Variants in PCOLCE2 observed in about 807,000 individuals in gnomAD.
PCOLCE2 encodes the protein procollagen C-endopeptidase enhancer 2.
Under a neutral mutation model 47.0 loss-of-function variants are expected in PCOLCE2, and 42 were observed. The ratio of observed to expected loss-of-function variants is 0.89; its 90% CI spans 0.70 to 1.16. PCOLCE2 has a LOEUF of 1.16. Among genes scored for constraint, PCOLCE2 ranks in the 50% most tolerant of loss-of-function variants. The probability of loss-of-function intolerance (pLI) is 0.00; values close to 1 mark genes in which losing one functional copy is unlikely to be tolerated. For synonymous variants in PCOLCE2, 169 were observed against 191.7 expected (o/e 0.88, Z 0.98); for missense variants, 500 against 526.1 (o/e 0.95, Z 0.49).
At chr3:142,885,356 A>C (rs1311172298) in intron 2 of PCOLCE2, among the ~76,000 whole-genome samples, 1 of 152,204 alleles carries the variant, frequency 6.6e-6, no homozygotes, top group African/African-American at 2.4e-5. Flanking sequence ...TCCCATCTCC[A>C]GCGGCCTCTG....
At chr3:142,832,501 C>T (rs1937161363) in intron 5 of PCOLCE2, among the ~76,000 whole-genome samples, 1 of 152,156 alleles carries the variant, frequency 6.6e-6, no homozygotes, top group Non-Finnish European at 1.5e-5. Flanking sequence ...GTCCTCCCTG[C>T]TGTCTCTAAC....
chr3:142,885,760 C>T (rs1933707946), intron 2 of PCOLCE2, among the ~76,000 whole-genome samples: 1 of 152,202 alleles, frequency 6.6e-6, no homozygotes. Context: ...ATCTTCCACG[C>T]AGACACCAGA....
chr3:142,872,583 T>C (rs1438866868), intron 2 of PCOLCE2, among the ~76,000 whole-genome samples: 1 of 152,284 alleles, frequency 6.6e-6, no homozygotes, highest in South Asian at 2.1e-4. Flanking sequence ...GTTGTATAAA[T>C]CGAATAAAAT....
At chr3:142,831,272 A>T (rs1351425050) in intron 5 of PCOLCE2, among the ~76,000 whole-genome samples, 1 of 152,204 alleles carries the variant, frequency 6.6e-6, no homozygotes, top group African/African-American at 2.4e-5. Flanking sequence ...ATTAATGGGC[A>T]ATCACGGGAG....
chr3:142,863,585 G>A (rs945405826), intron 2 of PCOLCE2, among the ~76,000 whole-genome samples: 2 of 152,196 alleles, frequency 1.3e-5, no homozygotes, highest in East Asian at 3.8e-4. Flanking sequence ...GCTCACAAAT[G>A]TGTAGCCTCA....
intron 3 of PCOLCE2, among the ~76,000 whole-genome samples, chr3:142,843,655 A>G (rs1317475721): frequency 3.9e-5 from 6 of 152,082 alleles, no homozygotes; most frequent in African/African-American, 1.4e-4. Flanking sequence ...TAGGTGACAA[A>G]TATCATTTCA....
At chr3:142,883,877 C>A (rs1005190682) in intron 2 of PCOLCE2, among the ~76,000 whole-genome samples, 1 of 152,096 alleles carries the variant, frequency 6.6e-6, no homozygotes, top group South Asian at 2.1e-4. Context: ...GATCTTTATG[C>A]CAGGGGTGCC....
At chr3:142,860,190 T>C (rs924527323) in intron 2 of PCOLCE2, among the ~76,000 whole-genome samples, 12 of 152,186 alleles carry the variant, frequency 7.9e-5, no homozygotes, top group Non-Finnish European at 1.6e-4. Flanking sequence ...TTCAGACAGT[T>C]TGCGTGAAAT....
intron 5 of PCOLCE2, among the ~76,000 whole-genome samples, chr3:142,832,576 C>T (rs1224993185): frequency 6.6e-6 from 1 of 152,196 alleles, no homozygotes; most frequent in Non-Finnish European, 1.5e-5. Flanking sequence ...TTTCCCTGAT[C>T]ACTTGTCCAG....
intron 5 of PCOLCE2, among the ~76,000 whole-genome samples, chr3:142,832,422 C>T (rs1937160793): frequency 6.6e-6 from 1 of 152,182 alleles, no homozygotes; most frequent in South Asian, 2.1e-4. Flanking sequence ...AAGGTTTTGG[C>T]TGCAGAAATA....
At chr3:142,867,920 TC>T (rs1933315164) in intron 2 of PCOLCE2, among the ~76,000 whole-genome samples, 1 of 152,164 alleles carries the variant, frequency 6.6e-6, no homozygotes, top group Non-Finnish European at 1.5e-5. Context: ...TGTGACTTCG[TC>T]TTGGTTTCAG....
Position 142,888,963 on chromosome 3 carries a change from C to G in PCOLCE2, c.-67G>C, listed in dbSNP as rs977119375. On this transcript the variant is annotated 5_prime_UTR_variant, in exon 1 of 9. Transcript: ENST00000295992. Reference sequence around the variant, plus strand: ...GCCGGCACACACGCCCCTCCGCACCCACCGCGCTCACACCGCCGCTCACAC... The same window carrying G: ...GCCGGCACACACGCCCCTCCGCACCGACCGCGCTCACACCGCCGCTCACAC... The G allele has an allele frequency of 7.8e-6, 4 of 513,870 alleles. No individual in the cohort carries two copies. Among genetic ancestry groups the G allele is most frequent in the Non-Finnish European group, 1.2e-5 (4 of 328,016 alleles). 31.8% of individuals were successfully genotyped at this position (513,870 alleles called of 1,614,324 possible).
intron 5 of PCOLCE2, among the ~76,000 whole-genome samples, chr3:142,833,275 A>G (rs1345381062): frequency 2.6e-5 from 4 of 151,904 alleles, no homozygotes; most frequent in Admixed American, 2.6e-4. Context: ...TGCAACTTCC[A>G]TCTTCTGGGT....
At chr3:142,874,533 C>G (rs1157451428) in intron 2 of PCOLCE2, among the ~76,000 whole-genome samples, 1 of 152,214 alleles carries the variant, frequency 6.6e-6, no homozygotes, top group Non-Finnish European at 1.5e-5. Flanking sequence ...TTATAAATTA[C>G]CCAGTCTCAG....
chr3:142,885,628 G>A (rs1303497902), intron 2 of PCOLCE2, among the ~76,000 whole-genome samples: 1 of 152,142 alleles, frequency 6.6e-6, no homozygotes, highest in Non-Finnish European at 1.5e-5. Flanking sequence ...GTGGGCAGAA[G>A]ACTCCGCATT....
chr3:142,880,197 T>G (rs1169909686), intron 2 of PCOLCE2, among the ~76,000 whole-genome samples: 1 of 149,716 alleles, frequency 6.7e-6, no homozygotes, highest in African/African-American at 2.5e-5. Flanking sequence ...TTCAGGCAAC[T>G]GAAATAATGA....
chr3:142,884,960 A>G (rs1933691882), intron 2 of PCOLCE2, among the ~76,000 whole-genome samples: 1 of 152,246 alleles, frequency 6.6e-6, no homozygotes, highest in South Asian at 2.1e-4. Context: ...GTTTAACTTA[A>G]TTTACATTTA....
At chr3:142,823,227 A>G (rs539716771) in intron 7 of PCOLCE2, among the ~76,000 whole-genome samples, 18 of 152,370 alleles carry the variant, frequency 1.2e-4, no homozygotes, top group Non-Finnish European at 2.2e-4. Flanking sequence ...TATGAAAAAT[A>G]TATAAGGAAA....
At chr3:142,840,419 A>G (rs187114326) in intron 4 of PCOLCE2, among the ~76,000 whole-genome samples, 29 of 152,314 alleles carry the variant, frequency 1.9e-4, no homozygotes, top group Admixed American at 3.9e-4. Flanking sequence ...CTGGTACCCA[A>G]TCTTGCCGAG....
Sources: gnomAD v4.1 joint callset for allele counts (sites outside exome capture counted in the v4.1 genomes callset) on GRCh38, gnomAD v4.1.1 for gene constraint, MANE v1.5 for transcripts, NCBI Gene and HGNC (gene_info 2026-07-23, HGNC 2026-07-21) for gene names.